The following VWA8 variants were observed in gnomAD, a reference collection of about 807,000 sequenced individuals.
VWA8 encodes von Willebrand factor A domain containing 8.
Under a neutral mutation model 241.5 loss-of-function variants are expected in VWA8, and 221 were observed. The observed-to-expected ratio is 0.91, with a 90% CI of 0.82 to 1.02. The LOEUF (loss-of-function observed/expected upper bound fraction) is 1.02, where lower values mean the gene tolerates loss of function less well. Ranked by LOEUF, VWA8 falls within the 50% of genes least tolerant of loss-of-function variation. The pLI, the probability that VWA8 is intolerant of heterozygous loss-of-function variation, is 0.00. For synonymous variants in VWA8, 852 were observed against 827.1 expected, an observed-to-expected ratio of 1.03 and a Z score of -0.52; for missense variants, 2,322 against 2,328.7, an observed-to-expected ratio of 1.00 and a Z score of 0.06.
chr13:41,637,065 G>T (rs2044762854), intron 37 of VWA8, among the ~76,000 whole-genome samples: 1 of 151,018 alleles, frequency 6.6e-6, no homozygotes, highest in South Asian at 2.1e-4. Context: ...CCATTACTGG[G>T]TATATACCCA....
chr13:41,568,416 A>C, intron 44 of VWA8, 111 bp from the exon 45 acceptor site: 1 of 728,880 alleles, frequency 1.4e-6, no homozygotes, highest in Non-Finnish European at 2.3e-6. Flanking sequence ...GGAAGTTTTT[A>C]CTTTCTAATA....
chr13:41,949,822 T>C, intron 2 of VWA8, 114 bp downstream of exon 2: 1 of 538,048 alleles, frequency 1.9e-6, no homozygotes. Context: ...ATGTTGAAGC[T>C]GGATGATAAA....
intron 9 of VWA8, among the ~76,000 whole-genome samples, chr13:41,872,169 T>C (rs1304239083): frequency 6.6e-6 from 1 of 152,242 alleles, no homozygotes; most frequent in Non-Finnish European, 1.5e-5. Context: ...TTTTTTCTTG[T>C]AAATTTGTTT....
chr13:41,807,810 T>C (rs1870281919), intron 17 of VWA8: 1 of 152,090 alleles, frequency 6.6e-6, no homozygotes, highest in African/African-American at 2.4e-5. Context: ...AGCATCAATA[T>C]GGTAATCTCC....
At chr13:41,887,550 T>C (rs1480850734) in intron 5 of VWA8, among the ~76,000 whole-genome samples, 189 bp from the exon 6 acceptor site, 1 of 152,062 alleles carries the variant, frequency 6.6e-6, no homozygotes, top group African/African-American at 2.4e-5. Flanking sequence ...GCTCACAACA[T>C]GAAGACTGGG....
At chr13:41,604,630 A>C (rs956696577) in intron 40 of VWA8, among the ~76,000 whole-genome samples, 6 of 152,118 alleles carry the variant, frequency 3.9e-5, no homozygotes, top group African/African-American at 1.4e-4. Context: ...AAAGAAACAC[A>C]AGATTCCAGA....
At chr13:41,824,777 T>C (rs1489497372) in intron 14 of VWA8, among the ~76,000 whole-genome samples, 1 of 149,328 alleles carries the variant, frequency 6.7e-6, no homozygotes, top group East Asian at 2.0e-4. Flanking sequence ...ATGATAGCAC[T>C]ACTGCACCTC....
intron 35 of VWA8, among the ~76,000 whole-genome samples, chr13:41,681,612 A>C (rs1297836108): frequency 2.0e-5 from 3 of 152,228 alleles, no homozygotes; most frequent in African/African-American, 7.2e-5. Context: ...GTCTCTGACC[A>C]TACTGGTAAT....
chr13:41,831,792 G>A (rs1259355148), intron 13 of VWA8, among the ~76,000 whole-genome samples: 5 of 151,042 alleles, frequency 3.3e-5, no homozygotes, highest in African/African-American at 1.2e-4. Flanking sequence ...GATAATTTTT[G>A]TACTTTTAAT....
At chr13:41,614,349 G>A (rs890117383) in intron 38 of VWA8, among the ~76,000 whole-genome samples, 1 of 152,152 alleles carries the variant, frequency 6.6e-6, no homozygotes, top group Non-Finnish European at 1.5e-5. Context: ...CTGTGGACTC[G>A]CAGATGTGTC....
At chr13:41,903,298 T>C (rs965933504) in intron 4 of VWA8, among the ~76,000 whole-genome samples, 4 of 152,168 alleles carry the variant, frequency 2.6e-5, no homozygotes. Flanking sequence ...GTTAAAATTG[T>C]AATAAAGTTG....
At chr13:41,671,490 G>T (rs1441661890) in intron 36 of VWA8, among the ~76,000 whole-genome samples, 1 of 152,132 alleles carries the variant, frequency 6.6e-6, no homozygotes, top group East Asian at 1.9e-4. Context: ...AAACTGATTA[G>T]GTTCTCTAAA....
At chr13:41,889,870 T>G (rs1355493206) in intron 5 of VWA8, among the ~76,000 whole-genome samples, 1 of 152,234 alleles carries the variant, frequency 6.6e-6, no homozygotes, top group Non-Finnish European at 1.5e-5. Flanking sequence ...TTAACACTAA[T>G]GTAATCTCTA....
At chr13:41,793,630 G>A (rs1247898474) in intron 17 of VWA8, among the ~76,000 whole-genome samples, 1 of 152,068 alleles carries the variant, frequency 6.6e-6, no homozygotes, top group Non-Finnish European at 1.5e-5. Context: ...TGGCCAACAT[G>A]GTGAAACCCC....
intron 12 of VWA8, among the ~76,000 whole-genome samples, chr13:41,848,479 G>A (rs1290541290): frequency 1.3e-5 from 2 of 152,310 alleles, no homozygotes; most frequent in East Asian, 1.9e-4. Flanking sequence ...AGGTGGAGAT[G>A]ACTGGATCAT....
Position 41,960,902 on chromosome 13 carries a change from C to A in VWA8, c.114G>T (p.Arg38Ser). 1 of 1,513,170 alleles carries A rather than the reference C, an allele frequency of 6.6e-7. No individual in the cohort carries two copies. The highest frequency in any genetic ancestry group is 8.8e-7 in the Non-Finnish European group (1 of 1,137,178). 93.7% of individuals were successfully genotyped at this position (1,513,170 alleles called of 1,614,324 possible). A position where few individuals can be genotyped will look rare whatever the true frequency, so the allele number is the denominator to read the frequency against. ...GCAACAGTCTGACCTCCGGCCGCTG[C>A]CTGTCGCCACCCGGCCTGCGCTGCA... ...QVVQRRPGGD[R>S]QRPEVRLLHA... is the part of the protein sequence containing the mutation. The change falls in exon 1 of 45, where the codon AGG becomes AGT. Residue 38 changes from arginine (R) to serine (S), a missense_variant. Transcript: ENST00000379310.
chr13:41,818,621 C>T (rs965083799), intron 15 of VWA8, among the ~76,000 whole-genome samples: 11 of 152,052 alleles, frequency 7.2e-5, no homozygotes, highest in East Asian at 1.9e-4. Flanking sequence ...TGCATTGAAG[C>T]GTGCAGTTCT....
At chr13:41,597,060 C>T (rs1260535438) in intron 40 of VWA8, among the ~76,000 whole-genome samples, 1 of 151,890 alleles carries the variant, frequency 6.6e-6, no homozygotes, top group Non-Finnish European at 1.5e-5. Flanking sequence ...AATAAAAAGA[C>T]TTAAGTAGCA....
intron 3 of VWA8, among the ~76,000 whole-genome samples, 197 bp from the exon 4 acceptor site, chr13:41,907,893 A>G (rs1334355362): frequency 2.0e-5 from 3 of 152,220 alleles, no homozygotes; most frequent in African/African-American, 7.2e-5. Flanking sequence ...ATATCTCCTC[A>G]GAGCTCTTCT....
Sources: allele counts gnomAD v4.1 joint callset (sites outside exome capture counted in the v4.1 genomes callset), GRCh38; gene constraint gnomAD v4.1.1; transcripts MANE v1.5; gene names NCBI Gene and HGNC (gene_info 2026-07-23, HGNC 2026-07-21).